The following LEFTY2 variants were observed in gnomAD, a reference collection of about 807,000 sequenced individuals.
LEFTY2 encodes TGF-beta-4.
Under a neutral mutation model 26.4 loss-of-function variants are expected in LEFTY2, and 10 were observed. The observed-to-expected ratio is 0.38, with a 90% CI of 0.23 to 0.64. The LOEUF is 0.64. LEFTY2 is among the 30% of genes least tolerant of loss of function. The pLI is 0.56. For synonymous variants in LEFTY2, 204 were observed against 234.1 expected (o/e 0.87, Z 1.17); for missense variants, 407 against 502.1 (o/e 0.81, Z 1.81).
chr1:225,938,085 A>T (rs202062447), intron 3 of LEFTY2, among the ~76,000 whole-genome samples: 175 of 151,656 alleles, frequency 1.2e-3, no homozygotes, highest in Middle Eastern at 3.4e-3. Context: ...GGTAGGTTCC[A>T]GCATTATCCC....
In LEFTY2 at chr1:225,936,692, G is replaced by C. The variant is rs148338301; in HGVS notation, c.*749C>G. On this transcript the variant is annotated 3_prime_UTR_variant, in exon 4 of 4. Transcript: ENST00000366820. ...AACATGCAAATACATGTGGTTTCTG[G>C]TGACAAGTTCTCTAAGACAGTGTGG... The C allele has an allele frequency of 6.6e-6, 1 of 152,270 alleles. No homozygotes were observed. Among genetic ancestry groups the C allele is most frequent in the East Asian group, 1.9e-4 (1 of 5,180 alleles). The allele number at this position is 152,270 out of a possible 1,614,324, so 9.4% of individuals were successfully genotyped here.
At chr1:225,940,822 C>T in intron 1 of LEFTY2, 69 bp downstream of exon 1, 1 of 1,609,694 alleles carries the variant, frequency 6.2e-7, no homozygotes. Context: ...CCTTCGACAC[C>T]TCCAGAGTGG....
chr1:225,936,646 G>A lies in LEFTY2; in HGVS notation c.*795C>T, dbSNP rs1459287006. ...TTCTTCTGAGTATCTACATTCAATT[G>A]CTTTAGCTAAATTAACAAAAAACAT... On this transcript the variant is annotated 3_prime_UTR_variant, in exon 4 of 4. Transcript: ENST00000366820. 3.3e-5 allele frequency: 5 copies of A among 152,118 alleles called. No individual in the cohort carries two copies. The highest frequency in any genetic ancestry group is 5.9e-5 in the Non-Finnish European group (4 of 68,028). The allele number at this position is 152,118 out of a possible 1,614,324, so 9.4% of individuals were successfully genotyped here.
At position 225,939,671 on chromosome 1, in the gene LEFTY2, A is replaced by C; in HGVS notation, c.498-71T>G. 2 of 1,610,954 alleles carry C rather than the reference A, an allele frequency of 1.2e-6. No homozygotes were observed. The highest frequency in any genetic ancestry group is 2.2e-5 in the South Asian group (2 of 91,012). Reference sequence around the variant, plus strand: ...GCGGGGACTGGGACGGGCCCCGAGGACCCTGCACCGCCCCCTGCGTCCCCG... The same window carrying C: ...GCGGGGACTGGGACGGGCCCCGAGGCCCCTGCACCGCCCCCTGCGTCCCCG... On this transcript the variant is annotated intron_variant, in intron 2 of 3. Coordinates refer to ENST00000366820, the MANE Select transcript of LEFTY2 (RefSeq NM_003240.5). The surrounding 1 kb of genome is among the most constrained non-coding windows in gnomAD (Gnocchi z 4.1).
chr1:225,938,866 C>CTTTT (rs34986398), intron 3 of LEFTY2, among the ~76,000 whole-genome samples: 9 of 113,082 alleles, frequency 8.0e-5, no homozygotes, highest in Admixed American at 1.1e-4. Context: ...TCTTTGTTTC[C>CTTTT]TTTTTTTTTT....
In LEFTY2 at chr1:225,937,639, C is replaced by T. The variant is rs61731739; in HGVS notation, c.903G>A (p.Pro301=). 636 of 1,614,100 alleles carry T rather than the reference C, an allele frequency of 3.9e-4. 7 individuals are homozygous for T. The Middle Eastern group carries it at 8.6e-3, about 22-fold the overall frequency. ...ATGGCCAATTGAAGGCCAGGGCCTC[C>T]GGGGGCTGCTGGCAGGTGCCCACAC... ...YECVGTCQQP[P]EALAFNWPFL... The change falls in exon 4 of 4, where the codon CCG becomes CCA. Residue 301 remains proline (P), a synonymous_variant. Coordinates refer to ENST00000366820, the MANE Select transcript of LEFTY2 (RefSeq NM_003240.5).
At chr1:225,938,251 C>T (rs72755000) in intron 3 of LEFTY2, among the ~76,000 whole-genome samples, 24 of 152,308 alleles carry the variant, frequency 1.6e-4, no homozygotes, top group South Asian at 4.1e-4. Context: ...CTCCAGAGAG[C>T]TAACTTGTCC....
chr1:225,938,614 A>G (rs1044140073), intron 3 of LEFTY2, among the ~76,000 whole-genome samples: 3 of 152,062 alleles, frequency 2.0e-5, no homozygotes, highest in African/African-American at 7.2e-5. Flanking sequence ...TCCACTCCCA[A>G]AGTGCTGGGA....
In LEFTY2 at chr1:225,939,043, T is replaced by G. The variant is rs1672230071; in HGVS notation, c.737+318A>C. 6.6e-6 allele frequency among the ~76,000 whole-genome samples: 1 copy of G among 151,826 alleles called. No individual in the cohort carries two copies. Among genetic ancestry groups the G allele is most frequent in the Admixed American group, 6.6e-5 (1 of 15,220 alleles). ...CGCGCCACCACGCCCGGCTAATTTT[T>G]GTATTTTTGGTAGACACGGGGTTTC... is the stretch of plus-strand genomic sequence containing the variant. On this transcript the variant is annotated intron_variant, in intron 3 of 3. Coordinates refer to ENST00000366820, the MANE Select transcript of LEFTY2 (RefSeq NM_003240.5). This position sits in a 1 kb window ranked among gnomAD's most constrained non-coding sequence, Gnocchi z 4.1.
chr1:225,939,888 T>C lies in LEFTY2; in HGVS notation c.365A>G (p.Gln122Arg). Residue 122 changes from glutamine to arginine, a missense_variant, in exon 2 of 4, where the codon CAG becomes CGG. Gln to Arg is a conservative substitution (Grantham distance 43). Transcript: ENST00000366820. The surrounding 1 kb of genome is among the most constrained non-coding windows in gnomAD (Gnocchi z 4.1). The stretch of plus-strand genomic sequence containing the variant: ...CAGCGCGGCCTTGGGGACCGGCTCC[T>C]GGAAGAGCCGCAGCACGGCCTGCAC... ...ELVQAVLRLF[Q>R]EPVPKAALHR... 6.4e-7 allele frequency: 1 copy of C among 1,553,780 alleles called. No individual in the cohort carries two copies. Among genetic ancestry groups the C allele is most frequent in the Non-Finnish European group, 8.6e-7 (1 of 1,157,454 alleles).
intron 3 of LEFTY2, among the ~76,000 whole-genome samples, chr1:225,938,131 C>T (rs771634938): frequency 7.2e-5 from 11 of 152,128 alleles, no homozygotes; most frequent in Admixed American, 2.0e-4. Flanking sequence ...CAGAGGTGTT[C>T]GGTGATGGGC....
intron 3 of LEFTY2, among the ~76,000 whole-genome samples, chr1:225,938,866 C>CTTT (rs34986398): frequency 4.4e-4 from 50 of 113,036 alleles, no homozygotes; most frequent in South Asian, 2.3e-3. Flanking sequence ...TCTTTGTTTC[C>CTTT]TTTTTTTTTT....
Position 225,939,721 on chromosome 1 carries a change from C to T in LEFTY2, c.497+35G>A, listed in dbSNP as rs1458943956. The T allele has an allele frequency of 2.5e-6, 4 of 1,606,234 alleles. No individual in the cohort carries two copies. In the African/African-American group the frequency reaches 5.3e-5, roughly 21 times the overall value. ...GCCCCCAAGCCGGGCCGAGCAGCCT[C>T]CTACTCCTGCCCTGCGCGCCCGCGC... On this transcript the variant is annotated intron_variant, in intron 2 of 3. Transcript: ENST00000366820. This position sits in a 1 kb window ranked among gnomAD's most constrained non-coding sequence, Gnocchi z 4.1.
Position 225,940,993 on chromosome 1 carries a change from T to C in LEFTY2, c.148A>G (p.Lys50Glu), listed in dbSNP as rs545409532. 3 of 1,613,500 alleles carry C rather than the reference T, an allele frequency of 1.9e-6. No homozygotes were observed. The East Asian group carries it at 6.7e-5, about 36-fold the overall frequency. The change falls in exon 1 of 4, where the codon AAG (lysine) becomes GAG (glutamate). Residue 50 changes from lysine to glutamate, a missense_variant. By Grantham distance (56) the Lys-to-Glu change is moderately conservative (BLOSUM62 1). Coordinates refer to ENST00000366820, the MANE Select transcript of LEFTY2 (RefSeq NM_003240.5). ...CTCACGTGGGCGGGGATGACCAGCTTCTCCATGTCGGCCCTGTCCAGTACG... is the reference window on the plus strand; with the variant it reads ...CTCACGTGGGCGGGGATGACCAGCTCCTCCATGTCGGCCCTGTCCAGTACG... ...VPVLDRADME[K>E]LVIPAHVRAQ...
In LEFTY2 at chr1:225,941,067, TCCTC is replaced by T; in HGVS notation, c.70_73del (p.Glu24SerfsTer33). ...CCGCAGCAGGCTGCCCAGGAGCTGC[TCCTC>T]GGTCAGGGCCGCCCCGGGGCCAGCC... On this transcript the variant is annotated frameshift_variant, in exon 1 of 4. Transcript: ENST00000366820. LOFTEE classifies it high-confidence loss of function. 1 of 1,607,722 alleles carries T rather than the reference TCCTC, an allele frequency of 6.2e-7. No individual in the cohort carries two copies. Among genetic ancestry groups the T allele is most frequent in the Non-Finnish European group, 8.5e-7 (1 of 1,177,260 alleles).
chr1:225,937,283 T>G lies in LEFTY2; in HGVS notation c.*158A>C. The G allele has an allele frequency of 8.4e-7, 1 of 1,187,078 alleles. No homozygotes were observed. Among genetic ancestry groups the G allele is most frequent in the South Asian group, 1.3e-5 (1 of 77,126 alleles). The allele number at this position is 1,187,078 out of a possible 1,614,324, so 73.5% of individuals were successfully genotyped here. A position where few individuals can be genotyped will look rare whatever the true frequency, so the allele number is the denominator to read the frequency against. On this transcript the variant is annotated 3_prime_UTR_variant, in exon 4 of 4. Coordinates refer to ENST00000366820, the MANE Select transcript of LEFTY2 (RefSeq NM_003240.5). ...TCACGTAAGTGCTTAGGATGGGTGA[T>G]GGACGGGAAAGACAGGAAATGGAAG...
Position 225,937,379 on chromosome 1 carries a change from C to T in LEFTY2, c.*62G>A. 6.2e-7 allele frequency: 1 copy of T among 1,611,286 alleles called. No individual in the cohort carries two copies. The highest frequency in any genetic ancestry group is 8.5e-7 in the Non-Finnish European group (1 of 1,179,898). On this transcript the variant is annotated 3_prime_UTR_variant, in exon 4 of 4. Transcript: ENST00000366820. Reference sequence around the variant, plus strand: ...AACTTGCTAAGTATAAAGTTAAGACCTACATTAAGACCACCTCTATGCACA... The same window carrying T: ...AACTTGCTAAGTATAAAGTTAAGACTTACATTAAGACCACCTCTATGCACA...
Position 225,939,499 on chromosome 1 carries a change from T to A in LEFTY2, c.599A>T (p.Gln200Leu). Reference protein sequence around the residue: ...LSRPRQPLLLQVSVQREHLGP... With the variant: ...LSRPRQPLLLLVSVQREHLGP... ...CAGATGCTCCCTCTGCACCGACACC[T>A]GTAGCAGCAGCGGCTGCCGGGGCCG... The change falls in exon 3 of 4, where the codon CAG (glutamine) becomes CTG (leucine). Residue 200 changes from glutamine to leucine, a missense_variant. Gln to Leu is a moderately radical substitution (Grantham distance 113). Coordinates refer to ENST00000366820, the MANE Select transcript of LEFTY2 (RefSeq NM_003240.5). The surrounding 1 kb of genome is among the most constrained non-coding windows in gnomAD (Gnocchi z 4.1). 6.2e-7 allele frequency: 1 copy of A among 1,611,398 alleles called. No individual in the cohort carries two copies. Among genetic ancestry groups the A allele is most frequent in the Non-Finnish European group, 8.5e-7 (1 of 1,179,558 alleles).
chr1:225,938,415 T>C (rs1672209862), intron 3 of LEFTY2, among the ~76,000 whole-genome samples: 1 of 152,262 alleles, frequency 6.6e-6, no homozygotes, highest in African/African-American at 2.4e-5. Context: ...GAAAAATCCA[T>C]TGAAGATTGT....
Sources: allele counts gnomAD v4.1 joint callset (sites outside exome capture counted in the v4.1 genomes callset), GRCh38; gene constraint gnomAD v4.1.1; non-coding constraint Gnocchi (gnomAD v3.1); transcripts MANE v1.5; gene names NCBI Gene and HGNC (gene_info 2026-07-23, HGNC 2026-07-21).